TANC2: variants seen among roughly 807,000 people sequenced by gnomAD.
TANC2 encodes the protein protein TANC2.
In TANC2, 26 loss-of-function variants were observed where a neutral mutation model predicts 210.5. The ratio of observed to expected loss-of-function variants is 0.12; its 90% CI spans 0.09 to 0.17. The LOEUF (loss-of-function observed/expected upper bound fraction) is 0.17. TANC2 is among the 10% of genes least tolerant of loss of function. The probability of loss-of-function intolerance (pLI) is 1.00; values close to 1 mark genes in which losing one functional copy is unlikely to be tolerated. For synonymous variants in TANC2, 931 were observed against 967.1 expected, an observed-to-expected ratio of 0.96 and a Z score of 0.69; for missense variants, 2,129 against 2,608.9, an observed-to-expected ratio of 0.82 and a Z score of 4.01.
At chr17:63,105,452 A>G (rs1336509590) in intron 4 of TANC2, among the ~76,000 whole-genome samples, 3 of 151,750 alleles carry the variant, frequency 2.0e-5, no homozygotes, top group African/African-American at 7.3e-5. Context: ...GTTATTCTAC[A>G]TAGTCTGATA....
chr17:63,252,273 G>A (rs1394133258), intron 8 of TANC2, among the ~76,000 whole-genome samples: 2 of 151,476 alleles, frequency 1.3e-5, no homozygotes, highest in African/African-American at 4.8e-5. Context: ...TTATAGGGTG[G>A]GTGAGATATT....
At chr17:63,243,310 A>G (rs949198404) in intron 8 of TANC2, among the ~76,000 whole-genome samples, 5 of 152,258 alleles carry the variant, frequency 3.3e-5, no homozygotes, top group African/African-American at 4.8e-5. Flanking sequence ...TTAAAGGTAT[A>G]TAAAGCTATA....
At chr17:63,324,647 G>C (rs1323627633) in intron 11 of TANC2, among the ~76,000 whole-genome samples, 2 of 152,108 alleles carry the variant, frequency 1.3e-5, no homozygotes, top group African/African-American at 4.8e-5. Flanking sequence ...TTTGTCTAGG[G>C]CTTTTCTTCT....
intron 5 of TANC2, among the ~76,000 whole-genome samples, chr17:63,170,448 A>AG (rs1555595001): frequency 8.4e-4 from 128 of 151,988 alleles, no homozygotes; most frequent in African/African-American, 3.0e-3. Flanking sequence ...AAAAAAAAAA[A>AG]AAAGAAAGAA....
At chr17:63,393,756 GTATTAT>G (rs1051559391) in intron 17 of TANC2, among the ~76,000 whole-genome samples, 25 of 148,302 alleles carry the variant, frequency 1.7e-4, no homozygotes, top group Non-Finnish European at 2.5e-4. Flanking sequence ...GCTGCAGTAA[GTATTAT>G]TATTATTATT....
At chr17:63,293,077 C>A (rs902151281) in intron 9 of TANC2, among the ~76,000 whole-genome samples, 1 of 152,044 alleles carries the variant, frequency 6.6e-6, no homozygotes, top group African/African-American at 2.4e-5. Flanking sequence ...GTTTTAGGAC[C>A]TGATTCAAAT....
At chr17:63,163,064 C>A (rs2040082678) in intron 5 of TANC2, among the ~76,000 whole-genome samples, 1 of 151,396 alleles carries the variant, frequency 6.6e-6, no homozygotes, top group Non-Finnish European at 1.5e-5. Flanking sequence ...AGGGTATTTG[C>A]AAAGGAGTGA....
At chr17:63,147,704 A>G (rs957770048) in intron 4 of TANC2, among the ~76,000 whole-genome samples, 1 of 152,210 alleles carries the variant, frequency 6.6e-6, no homozygotes, top group Non-Finnish European at 1.5e-5. Flanking sequence ...TCTAAAGAAT[A>G]CTGTTTAACT....
At chr17:62,969,730 TAC>T (rs373080851) in intron 1 of TANC2, among the ~76,000 whole-genome samples, 1 of 151,654 alleles carries the variant, frequency 6.6e-6, no homozygotes, top group Non-Finnish European at 1.5e-5. Flanking sequence ...TACACATTCA[TAC>T]ACACACACAC....
At chr17:63,394,470 A>G (rs1197323591) in intron 17 of TANC2, among the ~76,000 whole-genome samples, 1 of 152,166 alleles carries the variant, frequency 6.6e-6, no homozygotes, top group Admixed American at 6.5e-5. Context: ...TCTTTTATCC[A>G]TTCGCTTAGT....
intron 3 of TANC2, among the ~76,000 whole-genome samples, chr17:63,098,448 A>G (rs2037473510): frequency 1.4e-5 from 1 of 72,432 alleles, no homozygotes; most frequent in African/African-American, 1.5e-4. Context: ...ACACACACAC[A>G]CACACACACA....
intron 11 of TANC2, among the ~76,000 whole-genome samples, chr17:63,336,100 AGTT>A (rs2046018170): frequency 6.6e-6 from 1 of 152,184 alleles, no homozygotes; most frequent in South Asian, 2.1e-4. Flanking sequence ...AGGAAGAGAG[AGTT>A]GTTATTTATG....
chr17:63,062,915 C>A (rs375756253), intron 2 of TANC2, among the ~76,000 whole-genome samples: 35 of 152,170 alleles, frequency 2.3e-4, no homozygotes, highest in East Asian at 1.2e-3. Flanking sequence ...CAATTCAATT[C>A]TGGCTACTTA....
intron 4 of TANC2, among the ~76,000 whole-genome samples, chr17:63,147,905 C>A (rs374243618): frequency 1.3e-5 from 2 of 152,142 alleles, no homozygotes; most frequent in Non-Finnish European, 2.9e-5. Flanking sequence ...CATATATGCA[C>A]GGTTCAGACT....
intron 12 of TANC2, among the ~76,000 whole-genome samples, chr17:63,344,098 C>T (rs531139273): frequency 7.4e-4 from 113 of 152,290 alleles, no homozygotes; most frequent in African/African-American, 2.1e-3. Context: ...CGACGGCTAC[C>T]GCCTGAGCTC....
At chr17:63,112,840 A>G (rs2038104229) in intron 4 of TANC2, among the ~76,000 whole-genome samples, 1 of 152,196 alleles carries the variant, frequency 6.6e-6, no homozygotes, top group South Asian at 2.1e-4. Flanking sequence ...ATTGGGTATC[A>G]GTTTTAAACA....
At chr17:63,294,045 A>C (rs1010577493) in intron 9 of TANC2, among the ~76,000 whole-genome samples, 3 of 152,206 alleles carry the variant, frequency 2.0e-5, no homozygotes, top group African/African-American at 4.8e-5. Context: ...TTTTCTTTAT[A>C]AGCCTAGATA....
At chr17:63,386,463 A>C (rs2047781610) in intron 15 of TANC2, among the ~76,000 whole-genome samples, 2 of 152,232 alleles carry the variant, frequency 1.3e-5, no homozygotes. Context: ...CATCAAGGGA[A>C]GGGGATATGA....
intron 11 of TANC2, among the ~76,000 whole-genome samples, chr17:63,324,762 TG>T (rs1234455724): frequency 6.6e-6 from 1 of 152,190 alleles, no homozygotes; most frequent in Non-Finnish European, 1.5e-5. Context: ...ATTTCTATGT[TG>T]TTTTTATTTT....
Sources: gnomAD v4.1 joint callset for allele counts (sites outside exome capture counted in the v4.1 genomes callset) on GRCh38, gnomAD v4.1.1 for gene constraint, MANE v1.5 for transcripts, NCBI Gene and HGNC (gene_info 2026-07-23, HGNC 2026-07-21) for gene names.